SGCD: variants seen among roughly 807,000 people sequenced by gnomAD.
SGCD encodes delta-sarcoglycan.
In SGCD, 18 loss-of-function variants were observed where a neutral mutation model predicts 36.6. The observed-to-expected ratio is 0.49, with a 90% CI of 0.34 to 0.73. The LOEUF (loss-of-function observed/expected upper bound fraction) is 0.73. SGCD is among the 30% of genes least tolerant of loss of function. The pLI is 0.01. For missense variants in SGCD, 387 were observed against 346.7 expected, an observed-to-expected ratio of 1.12 and a Z score of -0.92; for synonymous variants, 133 against 130.6, an observed-to-expected ratio of 1.02 and a Z score of -0.12.
intron 3 of SGCD, among the ~76,000 whole-genome samples, chr5:156,291,406 T>C (rs1436415971): frequency 6.6e-6 from 1 of 151,924 alleles, no homozygotes. Context: ...ATAAATAAAA[T>C]AATGAATCAA....
intron 3 of SGCD, among the ~76,000 whole-genome samples, chr5:156,248,349 G>A (rs551159763): frequency 1.8e-4 from 28 of 152,110 alleles, no homozygotes; most frequent in African/African-American, 6.3e-4. Context: ...GTGAAACCCC[G>A]TCTCTATTAA....
intron 3 of SGCD, among the ~76,000 whole-genome samples, chr5:156,151,312 T>G (rs1762828934): frequency 6.6e-6 from 1 of 151,702 alleles, no homozygotes; most frequent in South Asian, 2.1e-4. Context: ...TTTTTGGATG[T>G]GTGGCACAAC....
At chr5:156,108,005 A>T (rs1761690539) in intron 1 of SGCD, among the ~76,000 whole-genome samples, 1 of 152,084 alleles carries the variant, frequency 6.6e-6, no homozygotes, top group African/African-American at 2.4e-5. Context: ...TCCAATGCTT[A>T]TCATAATATG....
intron 1 of SGCD, among the ~76,000 whole-genome samples, chr5:156,014,189 T>G (rs1581042217): frequency 6.6e-6 from 1 of 152,294 alleles, no homozygotes; most frequent in South Asian, 2.1e-4. Context: ...ATCTTTATAA[T>G]GAGATTCAAT....
chr5:156,290,780 T>C (rs1199832630), intron 3 of SGCD, among the ~76,000 whole-genome samples: 2 of 152,086 alleles, frequency 1.3e-5, no homozygotes, highest in Non-Finnish European at 2.9e-5. Context: ...GAGATGAATA[T>C]AAAAAATGGA....
chr5:155,947,341 T>A (rs959121515), intron 1 of SGCD, among the ~76,000 whole-genome samples: 1 of 144,040 alleles, frequency 6.9e-6, no homozygotes, highest in African/African-American at 2.8e-5. Context: ...GTGTGTGTAA[T>A]GTTTTGGTTT....
intron 4 of SGCD, among the ~76,000 whole-genome samples, chr5:156,576,302 A>G (rs1401561867): frequency 6.6e-6 from 1 of 151,916 alleles, no homozygotes; most frequent in Non-Finnish European, 1.5e-5. Context: ...TATGTGCCAC[A>G]TTTTCTTCAT....
intron 4 of SGCD, among the ~76,000 whole-genome samples, chr5:156,529,598 G>C (rs945996721): frequency 1.3e-5 from 2 of 151,632 alleles, no homozygotes; most frequent in Admixed American, 1.3e-4. Context: ...AACTCTGGCT[G>C]TACCCAGTGC....
chr5:156,545,834 A>G (rs1758551181), intron 4 of SGCD, among the ~76,000 whole-genome samples: 2 of 152,180 alleles, frequency 1.3e-5, no homozygotes, highest in South Asian at 4.1e-4. Flanking sequence ...GGGAAGCCCA[A>G]TACTGGGGAC....
At chr5:156,379,324 A>G (rs1251563889) in intron 3 of SGCD, among the ~76,000 whole-genome samples, 2 of 152,204 alleles carry the variant, frequency 1.3e-5, no homozygotes, top group African/African-American at 4.8e-5. Context: ...AGCCTCACAT[A>G]GGATACTGAG....
chr5:156,466,883 A>G (rs2127823413), intron 3 of SGCD, among the ~76,000 whole-genome samples: 1 of 152,254 alleles, frequency 6.6e-6, no homozygotes, highest in African/African-American at 2.4e-5. Flanking sequence ...TATTTTTTTT[A>G]ATGAAGAAAG....
intron 5 of SGCD, among the ~76,000 whole-genome samples, chr5:156,592,540 T>A (rs1760765535): frequency 6.6e-6 from 1 of 152,088 alleles, no homozygotes; most frequent in Non-Finnish European, 1.5e-5. Context: ...TCCTCACAGA[T>A]CTTATTTCCT....
At chr5:155,913,879 AAC>A (rs1756684638) in intron 1 of SGCD, among the ~76,000 whole-genome samples, 1 of 152,244 alleles carries the variant, frequency 6.6e-6, no homozygotes, top group Non-Finnish European at 1.5e-5. Flanking sequence ...AGACCGTGGA[AAC>A]AGTTTCCCTG....
intron 4 of SGCD, among the ~76,000 whole-genome samples, chr5:156,533,980 A>C (rs1020532875): frequency 3.9e-5 from 6 of 151,944 alleles, no homozygotes; most frequent in Non-Finnish European, 5.9e-5. Context: ...TAGGTTGAAG[A>C]CTTTTCTTTT....
At chr5:155,748,975 T>G in the SGCD span, among the ~76,000 whole-genome samples, 3 of 152,064 alleles carry the variant, frequency 2.0e-5, no homozygotes, top group African/African-American at 7.2e-5. Context: ...AATGATTTTC[T>G]CAGGTAATGC....
At chr5:155,895,464 A>G (rs1756229244) in intron 1 of SGCD, among the ~76,000 whole-genome samples, 1 of 152,310 alleles carries the variant, frequency 6.6e-6, no homozygotes, top group East Asian at 1.9e-4. Context: ...TATTGCTTGA[A>G]TTTAAAATAT....
At chr5:156,537,102 C>A (rs1460267952) in intron 4 of SGCD, among the ~76,000 whole-genome samples, 5 of 152,202 alleles carry the variant, frequency 3.3e-5, no homozygotes, top group African/African-American at 1.2e-4. Flanking sequence ...GCACCTATGG[C>A]AAAAGCCAGT....
At chr5:155,986,517 T>C (rs996766610) in intron 1 of SGCD, among the ~76,000 whole-genome samples, 3 of 151,862 alleles carry the variant, frequency 2.0e-5, no homozygotes, top group Non-Finnish European at 4.4e-5. Context: ...CTCCTCAGAG[T>C]TGATATGTGA....
chr5:155,995,947 T>C (rs1293683235), intron 1 of SGCD, among the ~76,000 whole-genome samples: 2 of 119,896 alleles, frequency 1.7e-5, no homozygotes, highest in Non-Finnish European at 3.2e-5. Flanking sequence ...ACTGTACAGC[T>C]AAGATTTGAG....
Sources: allele counts gnomAD v4.1 joint callset (sites outside exome capture counted in the v4.1 genomes callset), GRCh38; gene constraint gnomAD v4.1.1; transcripts MANE v1.5; gene names NCBI Gene and HGNC (gene_info 2026-07-23, HGNC 2026-07-21).